The following DNAH17 variants were observed in gnomAD, a reference collection of about 807,000 sequenced individuals.
DNAH17 encodes axonemal beta dynein heavy chain 17.
Under a neutral mutation model 485.6 loss-of-function variants are expected in DNAH17, and 376 were observed. That is an observed-to-expected ratio of 0.77 (90% CI 0.71 to 0.84). The LOEUF (loss-of-function observed/expected upper bound fraction) is 0.84. DNAH17 is among the 40% of genes least tolerant of loss of function. The probability of loss-of-function intolerance (pLI) is 0.00; values close to 1 mark genes in which losing one functional copy is unlikely to be tolerated. For synonymous variants in DNAH17, 3,031 were observed against 2,405.9 expected (o/e 1.26, Z -7.60); for missense variants, 6,370 against 5,839.3 (o/e 1.09, Z -2.96).
chr17:78,479,970 C>T (rs1003552638), intron 49 of DNAH17, among the ~76,000 whole-genome samples: 16 of 140,300 alleles, frequency 1.1e-4, no homozygotes, highest in Non-Finnish European at 2.1e-4. Context: ...AGATAAAATA[C>T]AGGATGCCCT....
chr17:78,560,826 C>T lies in DNAH17; in HGVS notation c.1945G>A (p.Asp649Asn), dbSNP rs1158338968. Residue 649 changes from aspartate (D) to asparagine (N), a missense_variant, in exon 13 of 81, where the codon GAC (aspartate) becomes AAC (asparagine). Transcript: ENST00000389840. ...CCCAGGTTAAAGTGGCAGTCCTGGT[C>T]CACGCCCGCCACCCACTGCTGGTAG... ...KIYQQWVAGV[D>N]QDCHFNLGQP... The T allele has an allele frequency of 6.4e-5, 99 of 1,551,710 alleles. No individual in the cohort carries two copies. The highest frequency in any genetic ancestry group is 8.4e-5 in the Non-Finnish European group (96 of 1,147,120).
rs749665290 is a variant in DNAH17, at chr17:78,571,616, G to A, written c.706C>T (p.Leu236=). 6.2e-7 allele frequency: 1 copy of A among 1,613,964 alleles called. No individual in the cohort carries two copies. Among genetic ancestry groups the A allele is most frequent in the South Asian group, 1.1e-5 (1 of 91,090 alleles). ...TGTTCATGGATGCACTTGAGGTTCA[G>A]CAGCCGAGTGTCCCAGAACTCGAAC... ...VEFEFWDTRL[L]NLKCIHEQLN... is the part of the protein sequence containing the mutation. The change falls in exon 4 of 81, where the codon CTG becomes TTG. Residue 236 remains leucine (L), a synonymous_variant. Transcript: ENST00000389840.
At chr17:78,513,263 A>G (rs149838281) in intron 26 of DNAH17, among the ~76,000 whole-genome samples, 2 of 152,272 alleles carry the variant, frequency 1.3e-5, no homozygotes, top group East Asian at 3.9e-4. Context: ...AGACTGACCA[A>G]ACAGAATGTT....
chr17:78,430,729 C>T (rs1423605160), intron 75 of DNAH17, among the ~76,000 whole-genome samples: 2 of 152,062 alleles, frequency 1.3e-5, no homozygotes, highest in Non-Finnish European at 2.9e-5. Context: ...TACAGGTGCA[C>T]ACCACCATAG....
At chr17:78,552,110 C>T (rs2091915314) in intron 15 of DNAH17, among the ~76,000 whole-genome samples, 1 of 152,172 alleles carries the variant, frequency 6.6e-6, no homozygotes, top group Non-Finnish European at 1.5e-5. Flanking sequence ...AAATGAAATG[C>T]CAAGGAATCA....
chr17:78,538,138 C>CAAAAAAAAAAA (rs60460125), intron 18 of DNAH17, among the ~76,000 whole-genome samples: 1 of 106,292 alleles, frequency 9.4e-6, no homozygotes, highest in African/African-American at 3.7e-5. Context: ...ACTCTGTCTC[C>CAAAAAAAAAAA]AAAAAAAAAA....
chr17:78,526,704 G>A lies in DNAH17; in HGVS notation c.3658C>T (p.Arg1220Cys), dbSNP rs371227532. 2.5e-6 allele frequency: 4 copies of A among 1,610,646 alleles called. No individual in the cohort carries two copies. Among genetic ancestry groups the A allele is most frequent in the East Asian group, 2.2e-5 (1 of 44,788 alleles). Residue 1220 changes from arginine to cysteine, a missense_variant, in exon 24 of 81, where the codon CGC (arginine) becomes TGC (cysteine). By Grantham distance (180) the Arg-to-Cys change is radical. Transcript: ENST00000389840. ...TCGCTGAAGGAGAACGGGGCCTCGC[G>A]CCTGAACCTCTCCCTGAACTCATGT... is the stretch of plus-strand genomic sequence containing the variant. The part of the protein sequence containing the change: ...KQHEFRERFR[R>C]EAPFSFSDPN...
chr17:78,427,207 C>A, intron 77 of DNAH17, 99 bp from the exon 78 acceptor site: 1 of 1,286,592 alleles, frequency 7.8e-7, no homozygotes, highest in Non-Finnish European at 1.1e-6. Context: ...AGCCCCAAGT[C>A]CTGGAGAGGA....
intron 17 of DNAH17, among the ~76,000 whole-genome samples, chr17:78,541,489 G>A (rs1309698655): frequency 6.6e-6 from 1 of 151,798 alleles, no homozygotes; most frequent in Admixed American, 6.6e-5. Context: ...TATACCCTCA[G>A]GCAGGTCTAT....
At chr17:78,523,949 G>A (rs2090998300) in intron 25 of DNAH17, among the ~76,000 whole-genome samples, 1 of 152,114 alleles carries the variant, frequency 6.6e-6, no homozygotes, top group Admixed American at 6.6e-5. Context: ...AAAATATGCT[G>A]GCATCGTTAG....
intron 16 of DNAH17, among the ~76,000 whole-genome samples, chr17:78,548,193 T>C (rs1027781023): frequency 4.9e-5 from 7 of 141,828 alleles, no homozygotes; most frequent in African/African-American, 1.8e-4. Context: ...ATTTCGTAGA[T>C]GTCATGGCCT....
At chr17:78,491,717 A>G (rs1181352873) in intron 42 of DNAH17, 147 bp from the exon 43 acceptor site, 6 of 1,312,534 alleles carry the variant, frequency 4.6e-6, no homozygotes, top group African/African-American at 1.5e-5. Context: ...TGAGGTGCCC[A>G]GGCTCCCTGC....
In DNAH17 at chr17:78,567,110, G is replaced by A. The variant is rs564793125; in HGVS notation, c.1341C>T (p.Gly447=). Residue 447 remains glycine, a synonymous_variant, in exon 10 of 81, where the codon GGC becomes GGT. Coordinates refer to ENST00000389840, the MANE Select transcript of DNAH17 (RefSeq NM_173628.4). ...GGCTCCCGAGGAGGTTCCCACGCACGCCCCCAAGCTCGATTTTCTCCAGCT... is the reference window on the plus strand; with the variant it reads ...GGCTCCCGAGGAGGTTCCCACGCACACCCCCAAGCTCGATTTTCTCCAGCT... ...FLKLEKIELG[G]VRGNLLGSLV... is the part of the protein sequence containing the mutation. 7.4e-6 allele frequency: 12 copies of A among 1,611,736 alleles called. No homozygotes were observed. Among genetic ancestry groups the A allele is most frequent in the African/African-American group, 6.7e-5 (5 of 74,964 alleles).
At chr17:78,545,918 GTGTA>G (rs1404626402) in intron 16 of DNAH17, among the ~76,000 whole-genome samples, 2 of 151,930 alleles carry the variant, frequency 1.3e-5, no homozygotes, top group South Asian at 2.1e-4. Flanking sequence ...AATATTTTAT[GTGTA>G]TGTATGTATG....
At chr17:78,471,380 T>C (rs2088742366) in intron 54 of DNAH17, among the ~76,000 whole-genome samples, 1 of 152,224 alleles carries the variant, frequency 6.6e-6, no homozygotes, top group African/African-American at 2.4e-5. Context: ...GCTATGTCCT[T>C]GGACCCTGCC....
chr17:78,561,144 A>C (rs2092145029), intron 12 of DNAH17, among the ~76,000 whole-genome samples: 1 of 152,080 alleles, frequency 6.6e-6, no homozygotes, highest in Admixed American at 6.5e-5. Context: ...CCAGCCCAGG[A>C]GGCCAAAATA....
chr17:78,456,527 C>T (rs1462829320), intron 62 of DNAH17, among the ~76,000 whole-genome samples: 4 of 152,172 alleles, frequency 2.6e-5, no homozygotes, highest in African/African-American at 9.7e-5. Flanking sequence ...GTGAGGACCA[C>T]GGTGGCCACA....
intron 37 of DNAH17, among the ~76,000 whole-genome samples, chr17:78,497,996 G>C (rs2090134380): frequency 6.6e-6 from 1 of 152,052 alleles, no homozygotes; most frequent in African/African-American, 2.4e-5. Context: ...TACAAAATTA[G>C]CCGGGCGTGG....
At chr17:78,479,760 GC>G (rs2089267408) in intron 49 of DNAH17, 128 bp from the exon 50 acceptor site, 2 of 1,279,538 alleles carry the variant, frequency 1.6e-6, no homozygotes, top group African/African-American at 3.0e-5. Context: ...GTCAGAATGG[GC>G]AGTTACCCTC....
Sources: allele counts gnomAD v4.1 joint callset (sites outside exome capture counted in the v4.1 genomes callset), GRCh38; gene constraint gnomAD v4.1.1; transcripts MANE v1.5; gene names NCBI Gene and HGNC (gene_info 2026-07-23, HGNC 2026-07-21).